Variants in CNGA3 observed in about 807,000 individuals in gnomAD.
CNGA3 encodes cyclic nucleotide gated channel subunit alpha 3.
CNGA3 carries 42 observed loss-of-function variants against 46.6 expected under a neutral mutation model. That is an observed-to-expected ratio of 0.90 (90% CI 0.70 to 1.17). CNGA3 has a LOEUF of 1.17. Among genes scored for constraint, CNGA3 ranks in the 50% most tolerant of loss-of-function variants. The probability of loss-of-function intolerance (pLI) is 0.00; values close to 1 mark genes in which losing one functional copy is unlikely to be tolerated. For synonymous variants in CNGA3, 394 were observed against 369.4 expected (o/e 1.07, Z -0.76); for missense variants, 893 against 890.7 (o/e 1.00, Z -0.03).
rs529873704 is a variant in CNGA3 at position 98,397,030 on chromosome 2, C to T, written c.1860C>T (p.Gly620=). 8.1e-6 allele frequency: 13 copies of T among 1,613,938 alleles called. No homozygotes were observed. Among genetic ancestry groups the T allele is most frequent in the East Asian group, 6.7e-5 (3 of 44,870 alleles). The stretch of plus-strand genomic sequence containing the variant: ...TCGATGAGGAGCTGGCCAGGGCGGG[C>T]GCGGACCCCAAGGACCTTGAGGAGA... The part of the protein sequence containing the change: ...NLIDEELARA[G]ADPKDLEEKV... Residue 620 remains glycine (G), a synonymous_variant, in exon 8 of 8, where the codon GGC becomes GGT. Transcript: ENST00000272602.
intron 7 of CNGA3, 23 bp downstream of exon 7, chr2:98,391,993 G>A (rs748436031): frequency 5.6e-6 from 9 of 1,602,066 alleles, no homozygotes; most frequent in Non-Finnish European, 7.7e-6. Context: ...CAGGCCTGGG[G>A]AGGGGACCAT....
At chr2:98,368,653 A>G (rs1222485287) in intron 1 of CNGA3, among the ~76,000 whole-genome samples, 8 of 152,238 alleles carry the variant, frequency 5.3e-5, no homozygotes, top group African/African-American at 1.9e-4. Flanking sequence ...GGGAATTGCA[A>G]CAGAGAAAAA....
At chr2:98,348,688 T>A (rs1461846091) in intron 1 of CNGA3, among the ~76,000 whole-genome samples, 3 of 152,156 alleles carry the variant, frequency 2.0e-5, no homozygotes, top group African/African-American at 7.2e-5. Flanking sequence ...GGGTAAACAG[T>A]TTTCTCTCTG....
chr2:98,396,626 T>C lies in CNGA3; in HGVS notation c.1456T>C (p.Cys486Arg). 6.2e-7 allele frequency: 1 copy of C among 1,614,072 alleles called. No homozygotes were observed. Among genetic ancestry groups the C allele is most frequent in the Non-Finnish European group, 8.5e-7 (1 of 1,180,002 alleles). ...TLKKVRIFQD[C>R]EAGLLVELVL... is the part of the protein sequence containing the mutation. ...GAAGAAGGTTCGCATCTTCCAGGAC[T>C]GTGAGGCAGGGCTGCTGGTGGAGCT... Residue 486 changes from cysteine to arginine, a missense_variant, in exon 8 of 8, where the codon TGT becomes CGT. Transcript: ENST00000272602.
chr2:98,348,645 G>C (rs1260488479), intron 1 of CNGA3, among the ~76,000 whole-genome samples: 1 of 152,200 alleles, frequency 6.6e-6, no homozygotes, highest in Non-Finnish European at 1.5e-5. Flanking sequence ...TCAAGGTTGA[G>C]ATGGGCCATG....
chr2:98,354,913 C>T (rs1016149501), intron 1 of CNGA3, among the ~76,000 whole-genome samples: 3 of 152,200 alleles, frequency 2.0e-5, no homozygotes, highest in Non-Finnish European at 2.9e-5. Flanking sequence ...TCTTTTATCA[C>T]TTTCACCATT....
intron 2 of CNGA3, 122 bp downstream of exon 2, chr2:98,370,198 G>T: frequency 1.3e-6 from 1 of 775,202 alleles, no homozygotes; most frequent in South Asian, 1.5e-5. Flanking sequence ...GGGCAGGGGA[G>T]GTATTCACAG....
chr2:98,353,930 T>C (rs1226067671), intron 1 of CNGA3, among the ~76,000 whole-genome samples: 1 of 152,160 alleles, frequency 6.6e-6, no homozygotes, highest in Non-Finnish European at 1.5e-5. Context: ...TCACTCACTG[T>C]CATCAGAACA....
chr2:98,370,074 C>T lies in CNGA3; in HGVS notation c.99C>T (p.Ser33=). The part of the protein sequence containing the change: ...RDLNRAENGL[S]RAHSSSEETS... ...TCAATCGCGCTGAAAATGGCCTCAG[C>T]AGGTAAGATGGGCTAAGATGGGCTT... Residue 33 remains serine (S), a splice_region_variant and synonymous_variant, in exon 2 of 8, where the codon AGC becomes AGT. Transcript: ENST00000272602. 1 of 1,609,960 alleles carries T rather than the reference C, an allele frequency of 6.2e-7. No individual in the cohort carries two copies. The highest frequency in any genetic ancestry group is 1.1e-5 in the South Asian group (1 of 90,800).
At chr2:98,370,161 C>T (rs1373444671) in intron 2 of CNGA3, 85 bp downstream of exon 2, 2 of 1,169,836 alleles carry the variant, frequency 1.7e-6, no homozygotes, top group East Asian at 2.5e-5. Context: ...GGAAGAATGC[C>T]TTCACGTTGG....
chr2:98,369,240 C>A (rs1169567279), intron 1 of CNGA3, among the ~76,000 whole-genome samples: 1 of 152,196 alleles, frequency 6.6e-6, no homozygotes, highest in Non-Finnish European at 1.5e-5. Context: ...GGTCTTATGT[C>A]GTTCACTGAC....
In CNGA3 at chr2:98,383,374, C is replaced by G. The variant is rs777304401; in HGVS notation, c.396-14C>G. ...AGAGTTCAGACCCTTGATGTTCTCT[C>G]TACCTTCCCGCAGCGCCTGGCCCCT... On this transcript the variant is annotated splice_polypyrimidine_tract_variant and intron_variant, in intron 4 of 7. Transcript: ENST00000272602. The G allele has an allele frequency of 3.4e-5, 55 of 1,613,858 alleles. No homozygotes were observed. The highest frequency in any genetic ancestry group is 4.5e-5 in the Non-Finnish European group (53 of 1,179,894).
intron 1 of CNGA3, among the ~76,000 whole-genome samples, chr2:98,362,028 C>A (rs1292083727): frequency 6.6e-6 from 1 of 151,256 alleles, no homozygotes; most frequent in Non-Finnish European, 1.5e-5. Flanking sequence ...TTAATAATCA[C>A]CATTATGACT....
At chr2:98,380,973 A>C (rs1028705148) in intron 4 of CNGA3, among the ~76,000 whole-genome samples, 1 of 152,160 alleles carries the variant, frequency 6.6e-6, no homozygotes, top group Non-Finnish European at 1.5e-5. Context: ...GAAAATCTGC[A>C]GAACTGGGGC....
In CNGA3 at chr2:98,397,289, G is replaced by T. The variant is rs762873572; in HGVS notation, c.*34G>T. ...CATCTGTCTCCTGCTTCACAGGGTC[G>T]ACTGTCAGGGTGACCGTATGTGGCC... is the stretch of plus-strand genomic sequence containing the variant. On this transcript the variant is annotated 3_prime_UTR_variant, in exon 8 of 8. Transcript: ENST00000272602. The T allele has an allele frequency of 6.2e-7, 1 of 1,600,384 alleles. No individual in the cohort carries two copies. Among genetic ancestry groups the T allele is most frequent in the South Asian group, 1.1e-5 (1 of 90,342 alleles).
chr2:98,379,941 T>G lies in CNGA3; in HGVS notation c.216-234T>G. On this transcript the variant is annotated intron_variant, in intron 3 of 7. Transcript: ENST00000272602. ...GAGAGTGTCCCTTTCCGGGGAAGCC[T>G]GCCCCTGACTGCAGGGTGGAGGGAG... The G allele has an allele frequency of 5.1e-6, 3 of 591,452 alleles. No homozygotes were observed. The South Asian group carries it at 5.9e-5, about 12-fold the overall frequency. 36.6% of individuals were successfully genotyped at this position (591,452 alleles called of 1,614,324 possible). A position where few individuals can be genotyped will look rare whatever the true frequency, so the allele number is the denominator to read the frequency against.
At chr2:98,369,890 A>G (rs560392646) in intron 1 of CNGA3, 49 bp from the exon 2 acceptor site, 20 of 1,241,786 alleles carry the variant, frequency 1.6e-5, no homozygotes, top group Non-Finnish European at 2.2e-5. Flanking sequence ...CTGGGTTTGC[A>G]GTTACTTTCC....
intron 7 of CNGA3, among the ~76,000 whole-genome samples, chr2:98,392,550 C>T (rs1692814916): frequency 6.9e-6 from 1 of 145,878 alleles, no homozygotes; most frequent in Non-Finnish European, 1.5e-5. Flanking sequence ...GACATAGCAA[C>T]ATTCTGTCTC....
Position 98,396,208 on chromosome 2 carries a change from G to T in CNGA3, c.1038G>T (p.Gly346=). 6.2e-7 allele frequency: 1 copy of T among 1,614,112 alleles called. No homozygotes were observed. Among genetic ancestry groups the T allele is most frequent in the Admixed American group, 1.7e-5 (1 of 60,016 alleles). ...VYPNISIPEH[G]RLSRKYIYSL... ...CAAACATCTCAATCCCAGAGCATGG[G>T]CGCCTCTCCAGGAAGTACATTTACA... Residue 346 remains glycine, a synonymous_variant, in exon 8 of 8, where the codon GGG becomes GGT. Transcript: ENST00000272602.
Sources: allele counts gnomAD v4.1 joint callset (sites outside exome capture counted in the v4.1 genomes callset), GRCh38; gene constraint gnomAD v4.1.1; transcripts MANE v1.5; gene names NCBI Gene and HGNC (gene_info 2026-07-23, HGNC 2026-07-21).